ATP10A: variants seen among roughly 807,000 people sequenced by gnomAD.
ATP10A encodes the protein phospholipid-transporting ATPase VA.
In ATP10A, 111 loss-of-function variants were observed where a neutral mutation model predicts 147.8. That is an observed-to-expected ratio of 0.75 (90% CI 0.64 to 0.88). The LOEUF (loss-of-function observed/expected upper bound fraction) is 0.88, where lower values mean the gene tolerates loss of function less well. Ranked by LOEUF, ATP10A falls within the 40% of genes least tolerant of loss-of-function variation. ATP10A has a pLI of 0.00. For synonymous variants in ATP10A, 875 were observed against 841.6 expected, an observed-to-expected ratio of 1.04 and a Z score of -0.69; for missense variants, 1,927 against 1,959.0, an observed-to-expected ratio of 0.98 and a Z score of 0.31.
chr15:25,732,247 T>C (rs887703466), intron 3 of ATP10A, among the ~76,000 whole-genome samples: 2 of 151,016 alleles, frequency 1.3e-5, no homozygotes, highest in African/African-American at 5.0e-5. Flanking sequence ...TCTTCTTTCT[T>C]TTTTTTGAGA....
chr15:25,802,229 A>G (rs1890971342), intron 1 of ATP10A, among the ~76,000 whole-genome samples: 1 of 152,210 alleles, frequency 6.6e-6, no homozygotes, highest in Non-Finnish European at 1.5e-5. Context: ...GCGCCGCAGC[A>G]CAGACCGAGC....
At chr15:25,815,262 A>T (rs999262299) in intron 1 of ATP10A, among the ~76,000 whole-genome samples, 5 of 152,246 alleles carry the variant, frequency 3.3e-5, no homozygotes, top group Non-Finnish European at 7.3e-5. Flanking sequence ...GGAGATCATC[A>T]GTGCTCAAAA....
intron 1 of ATP10A, among the ~76,000 whole-genome samples, chr15:25,785,555 C>G (rs1317694146): frequency 6.6e-6 from 1 of 152,208 alleles, no homozygotes; most frequent in African/African-American, 2.4e-5. Context: ...AGCTCACAGG[C>G]TGTAGTGACA....
chr15:25,674,949 CA>C (rs1899108161), downstream of ATP10A, among the ~76,000 whole-genome samples: 1 of 152,230 alleles, frequency 6.6e-6, no homozygotes, highest in Non-Finnish European at 1.5e-5. Flanking sequence ...GTTTGCAGTT[CA>C]GGGAACAACC....
chr15:25,757,045 C>A (rs1888452114), intron 2 of ATP10A, among the ~76,000 whole-genome samples: 1 of 152,140 alleles, frequency 6.6e-6, no homozygotes, highest in Non-Finnish European at 1.5e-5. Flanking sequence ...TTCAAAAAAT[C>A]TTTTTGGTAA....
At chr15:25,741,981 G>A (rs1887601621) in intron 2 of ATP10A, among the ~76,000 whole-genome samples, 1 of 152,256 alleles carries the variant, frequency 6.6e-6, no homozygotes, top group African/African-American at 2.4e-5. Flanking sequence ...AGGGGTTAAT[G>A]CCCCGTGACA....
chr15:25,676,407 T>C (rs562798393), downstream of ATP10A, among the ~76,000 whole-genome samples: 25 of 152,342 alleles, frequency 1.6e-4, no homozygotes, highest in East Asian at 4.1e-3. Context: ...AAGCTCTGCT[T>C]GTAGTTACAT....
At chr15:25,695,931 A>C (rs1900311910) in intron 13 of ATP10A, among the ~76,000 whole-genome samples, 1 of 152,004 alleles carries the variant, frequency 6.6e-6, no homozygotes, top group African/African-American at 2.4e-5. Flanking sequence ...TGCCAGGAAA[A>C]GAAAAAAAAA....
At chr15:25,703,530 G>A (rs1900796142) in intron 12 of ATP10A, among the ~76,000 whole-genome samples, 1 of 152,184 alleles carries the variant, frequency 6.6e-6, no homozygotes, top group Non-Finnish European at 1.5e-5. Context: ...AGAAGTAAAT[G>A]TCTGTGGCTT....
chr15:25,714,963 TATACACACAC>T (rs891977566), intron 9 of ATP10A, among the ~76,000 whole-genome samples: 10 of 123,984 alleles, frequency 8.1e-5, no homozygotes, highest in African/African-American at 1.5e-4. Context: ...GAATGACACA[TATACACACAC>T]ACACACACAC....
At chr15:25,821,146 T>A (rs1891860830) in intron 1 of ATP10A, among the ~76,000 whole-genome samples, 1 of 152,182 alleles carries the variant, frequency 6.6e-6, no homozygotes, top group Non-Finnish European at 1.5e-5. Flanking sequence ...ATGCCTACAA[T>A]CCCAGCGTGC....
chr15:25,746,232 T>A (rs536129490), intron 2 of ATP10A, among the ~76,000 whole-genome samples: 25 of 152,214 alleles, frequency 1.6e-4, no homozygotes, highest in African/African-American at 5.8e-4. Context: ...TTAGATAATA[T>A]AGTATTAAAT....
intron 1 of ATP10A, among the ~76,000 whole-genome samples, chr15:25,795,705 TAC>T (rs2140761426): frequency 6.6e-6 from 1 of 152,280 alleles, no homozygotes; most frequent in Admixed American, 6.5e-5. Flanking sequence ...TGTGTAATAA[TAC>T]ACACTGGGAA....
At chr15:25,785,959 G>T (rs935049083) in intron 1 of ATP10A, among the ~76,000 whole-genome samples, 24 of 152,264 alleles carry the variant, frequency 1.6e-4, no homozygotes, top group African/African-American at 5.8e-4. Context: ...GTCTCCGGAG[G>T]TGTCTCCAGC....
chr15:25,700,578 A>G (rs1900604118), intron 13 of ATP10A, among the ~76,000 whole-genome samples: 1 of 152,212 alleles, frequency 6.6e-6, no homozygotes. Flanking sequence ...CCAGGCTCTG[A>G]AAGTTACACA....
At chr15:25,736,164 T>C in intron 2 of ATP10A, 23 bp from the exon 3 acceptor site, 1 of 1,603,282 alleles carries the variant, frequency 6.2e-7, no homozygotes, top group Non-Finnish European at 8.5e-7. Context: ...CACGTAGACA[T>C]TAGAGAAATC....
chr15:25,765,846 C>A (rs28507141), intron 2 of ATP10A, among the ~76,000 whole-genome samples: 6,665 of 152,266 alleles, frequency 0.044, 416 homozygotes, highest in African/African-American at 0.12. Context: ...ACAGCAGCAG[C>A]AGGGCAGTGC....
chr15:25,776,701 G>A (rs1346805066), intron 2 of ATP10A, among the ~76,000 whole-genome samples: 1 of 152,208 alleles, frequency 6.6e-6, no homozygotes, highest in African/African-American at 2.4e-5. Flanking sequence ...CGGTGTCTAG[G>A]CCTCGCCTTC....
At chr15:25,694,755 T>C (rs1900219944) in intron 14 of ATP10A, 64 bp downstream of exon 14, 9 of 1,409,252 alleles carry the variant, frequency 6.4e-6, no homozygotes, top group East Asian at 2.3e-5. Flanking sequence ...TGGTGTAGCA[T>C]GGAAGGGTAG....
Sources: gnomAD v4.1 joint callset for allele counts (sites outside exome capture counted in the v4.1 genomes callset) on GRCh38, gnomAD v4.1.1 for gene constraint, MANE v1.5 for transcripts, NCBI Gene and HGNC (gene_info 2026-07-23, HGNC 2026-07-21) for gene names.